Variants in SLX4IP observed in about 807,000 individuals in gnomAD.
The protein encoded by SLX4IP is SLX4 interacting protein, also known as protein SLX4IP.
In SLX4IP, 34 loss-of-function variants were observed where a neutral mutation model predicts 32.9. The ratio of observed to expected loss-of-function variants is 1.03; its 90% CI spans 0.79 to 1.38. SLX4IP has a LOEUF of 1.38. SLX4IP is among the 40% of genes most tolerant of loss of function. SLX4IP has a pLI of 0.00. For synonymous variants in SLX4IP, 172 were observed against 171.7 expected (o/e 1.00, Z -0.01); for missense variants, 444 against 479.0 (o/e 0.93, Z 0.68).
chr20:10,609,036 T>C (rs931481809), intron 6 of SLX4IP, among the ~76,000 whole-genome samples: 1 of 151,994 alleles, frequency 6.6e-6, no homozygotes, highest in Admixed American at 6.5e-5. Context: ...AGGCAAAAAC[T>C]TGTGACCTTC....
At chr20:10,536,131 C>T (rs1297679614) in intron 2 of SLX4IP, among the ~76,000 whole-genome samples, 1 of 152,210 alleles carries the variant, frequency 6.6e-6, no homozygotes, top group Non-Finnish European at 1.5e-5. Context: ...ATACTATTTA[C>T]ATAATAGTTC....
rs2067161768 is a variant in SLX4IP, at chr20:10,625,444, A to G, written c.*2065A>G. ...ATATTTGAGCTGGAGCCACCAGAGA[A>G]CATTTCTATTGAGAAGTTTTTATTT... On this transcript the variant is annotated 3_prime_UTR_variant, in exon 8 of 8. Transcript: ENST00000334534. The G allele has an allele frequency of 6.6e-6, 1 of 152,172 alleles. No individual in the cohort carries two copies. Among genetic ancestry groups the G allele is most frequent in the Non-Finnish European group, 1.5e-5 (1 of 68,032 alleles). The allele number at this position is 152,172 out of a possible 1,614,324, so 9.4% of individuals were successfully genotyped here.
intron 2 of SLX4IP, among the ~76,000 whole-genome samples, chr20:10,549,978 T>C (rs557912847): frequency 1.4e-4 from 22 of 152,328 alleles, no homozygotes; most frequent in Non-Finnish European, 3.1e-4. Context: ...AAATTCACAC[T>C]CCAGGAAGAA....
chr20:10,535,880 A>G (rs765026566), intron 2 of SLX4IP, among the ~76,000 whole-genome samples: 14 of 152,238 alleles, frequency 9.2e-5, no homozygotes, highest in Non-Finnish European at 1.9e-4. Flanking sequence ...TGCATAGCAG[A>G]TCAAATGCTT....
chr20:10,583,919 G>A (rs1301438597), intron 4 of SLX4IP, among the ~76,000 whole-genome samples: 1 of 152,138 alleles, frequency 6.6e-6, no homozygotes, highest in African/African-American at 2.4e-5. Flanking sequence ...TCAAGGTAAT[G>A]TTTTGCAATA....
chr20:10,482,129 C>T (rs2122382497), intron 2 of SLX4IP, among the ~76,000 whole-genome samples: 3 of 152,284 alleles, frequency 2.0e-5, no homozygotes, highest in Middle Eastern at 6.8e-3. Context: ...TCAGTGGGGG[C>T]CACTTAGAAG....
chr20:10,442,159 G>T (rs1251342033), intron 1 of SLX4IP, among the ~76,000 whole-genome samples: 1 of 152,166 alleles, frequency 6.6e-6, no homozygotes, highest in African/African-American at 2.4e-5. Flanking sequence ...TTTAATGAGA[G>T]CATTTGCTTG....
chr20:10,532,130 A>C (rs2065995003), intron 2 of SLX4IP, among the ~76,000 whole-genome samples: 1 of 152,148 alleles, frequency 6.6e-6, no homozygotes, highest in Non-Finnish European at 1.5e-5. Flanking sequence ...AGTTGTGTAC[A>C]TGTGCCAAGA....
intron 2 of SLX4IP, among the ~76,000 whole-genome samples, chr20:10,478,027 T>G (rs1425467934): frequency 6.6e-6 from 1 of 151,482 alleles, no homozygotes; most frequent in Admixed American, 6.6e-5. Flanking sequence ...GCCTCCAGAG[T>G]AGCTGGGACT....
chr20:10,458,244 T>G lies in SLX4IP; in HGVS notation c.27+13T>G, dbSNP rs1347634645. 1 of 1,575,220 alleles carries G rather than the reference T, an allele frequency of 6.3e-7. No homozygotes were observed. Among genetic ancestry groups the G allele is most frequent in the East Asian group, 2.3e-5 (1 of 43,268 alleles). On this transcript the variant is annotated intron_variant, in intron 2 of 7. Coordinates refer to ENST00000334534, the MANE Select transcript of SLX4IP (RefSeq NM_001009608.3). ...ATTTGCTGTTAAAGTAAGTAATGTT[T>G]AATAGCTTTTTAAAAAGAGGCTAAT...
At chr20:10,566,670 G>T (rs996308298) in intron 4 of SLX4IP, among the ~76,000 whole-genome samples, 2 of 152,158 alleles carry the variant, frequency 1.3e-5, no homozygotes, top group Non-Finnish European at 2.9e-5. Flanking sequence ...CATCACAACT[G>T]AGTTTTCAAT....
At chr20:10,533,139 C>T (rs2066004018) in intron 2 of SLX4IP, among the ~76,000 whole-genome samples, 1 of 152,030 alleles carries the variant, frequency 6.6e-6, no homozygotes, top group African/African-American at 2.4e-5. Flanking sequence ...TGGGAAAACT[C>T]TCATATGAAT....
chr20:10,519,205 G>T (rs649204), intron 2 of SLX4IP, among the ~76,000 whole-genome samples: 87,265 of 151,958 alleles, frequency 0.57, 25,656 homozygotes, highest in South Asian at 0.72. Context: ...ACAGCTTTAT[G>T]GAGGCATAAT....
At chr20:10,620,448 A>G (rs755542635) in intron 6 of SLX4IP, among the ~76,000 whole-genome samples, 8 of 152,224 alleles carry the variant, frequency 5.3e-5, no homozygotes, top group Non-Finnish European at 1.0e-4. Context: ...TGGTTAGTAT[A>G]AGGAAAAAAG....
rs1306353132 is a variant in SLX4IP at position 10,627,254 on chromosome 20, T to G, written c.*3875T>G. On this transcript the variant is annotated 3_prime_UTR_variant, in exon 8 of 8. Coordinates refer to ENST00000334534, the MANE Select transcript of SLX4IP (RefSeq NM_001009608.3). ...TTTCTTCTTTTCTCTTATGGGGAAA[T>G]TTCCATGCTTGGTTTGTCAAGACAA... The G allele has an allele frequency of 6.6e-6, 1 of 152,234 alleles. No homozygotes were observed. The highest frequency in any genetic ancestry group is 2.4e-5 in the African/African-American group (1 of 41,456). 9.4% of individuals were successfully genotyped at this position (152,234 alleles called of 1,614,324 possible). A position where few individuals can be genotyped will look rare whatever the true frequency, so the allele number is the denominator to read the frequency against.
intron 2 of SLX4IP, among the ~76,000 whole-genome samples, chr20:10,520,595 A>G (rs1245148961): frequency 6.6e-6 from 1 of 152,156 alleles, no homozygotes; most frequent in Non-Finnish European, 1.5e-5. Context: ...CCTTACCAAG[A>G]TTATGAAAGT....
chr20:10,610,701 C>T (rs763479652), intron 6 of SLX4IP, among the ~76,000 whole-genome samples: 12 of 152,238 alleles, frequency 7.9e-5, no homozygotes, highest in Non-Finnish European at 1.5e-4. Flanking sequence ...CAACTTCAGT[C>T]CCAGTGGAAT....
chr20:10,563,392 G>A (rs117396266), intron 4 of SLX4IP, among the ~76,000 whole-genome samples: 2,553 of 152,274 alleles, frequency 0.017, 32 homozygotes, highest in Non-Finnish European at 0.027. Context: ...TTGCTGTATA[G>A]AAGATTTTTA....
intron 2 of SLX4IP, among the ~76,000 whole-genome samples, chr20:10,499,244 A>C (rs538530896): frequency 1.6e-4 from 24 of 152,284 alleles, no homozygotes; most frequent in African/African-American, 5.8e-4. Flanking sequence ...TCTATCTTTG[A>C]ACTTTACTTA....
Sources: allele counts gnomAD v4.1 joint callset (sites outside exome capture counted in the v4.1 genomes callset), GRCh38; gene constraint gnomAD v4.1.1; transcripts MANE v1.5; gene names NCBI Gene and HGNC (gene_info 2026-07-23, HGNC 2026-07-21).